The following FGF13 variants were observed in gnomAD, a reference collection of about 807,000 sequenced individuals.
FGF13 encodes fibroblast growth factor homologous factor 2.
A neutral mutation model predicts 19.5 loss-of-function variants in FGF13; 2 were observed. The ratio of observed to expected loss-of-function variants is 0.10; its 90% CI spans 0.04 to 0.32. The LOEUF (loss-of-function observed/expected upper bound fraction) is 0.32. Ranked by LOEUF, FGF13 falls within the 10% of genes least tolerant of loss-of-function variation. The pLI is 1.00. For missense variants in FGF13, 113 were observed against 192.7 expected, an observed-to-expected ratio of 0.59 and a Z score of 2.45; for synonymous variants, 72 against 76.9, an observed-to-expected ratio of 0.94 and a Z score of 0.33.
intron 4 of FGF13, among the ~76,000 whole-genome samples, chrX:138,634,148 G>A (rs957816813): frequency 1.8e-5 from 2 of 112,155 alleles, no homozygotes; most frequent in South Asian, 7.4e-4. Context: ...GGCCCTTAGA[G>A]AGGACCCAAG....
chrX:138,701,379 T>A (rs1033034639), intron 3 of FGF13, among the ~76,000 whole-genome samples: 2 of 112,418 alleles, frequency 1.8e-5, no homozygotes, highest in Admixed American at 9.4e-5. Context: ...CTTAAAATCC[T>A]TCATTATTAA....
chrX:138,800,056 G>A (rs1019279672), intron 3 of FGF13, among the ~76,000 whole-genome samples: 2 of 111,772 alleles, frequency 1.8e-5, no homozygotes, highest in Admixed American at 1.9e-4. Flanking sequence ...GTTAATTGGG[G>A]CATTTAGCCC....
chrX:139,089,691 C>G (rs1415294188), intron 1 of FGF13, among the ~76,000 whole-genome samples: 3 of 111,936 alleles, frequency 2.7e-5, no homozygotes, highest in Non-Finnish European at 5.6e-5. Context: ...CTCTCATCAT[C>G]TATAAAATGA....
Position 138,825,786 on chromosome X carries a change from A to T in FGF13, c.217+31726T>A, listed in dbSNP as rs189468273. Among the ~76,000 whole-genome samples the T allele has an allele frequency of 6.2e-5, 7 of 112,283 alleles. No homozygotes were observed. In the East Asian group the frequency reaches 2.0e-3, roughly 32 times the overall value. ...AGGCAGCCTCACTCTTAGCTCATGA[A>T]GATAAGCTGATAGTTTTTTCAGTGG... On this transcript the variant is annotated intron_variant, in intron 3 of 6. Coordinates refer to the FGF13 transcript ENST00000436198.
chrX:139,204,496 G>A (rs2084449815), upstream of FGF13, among the ~76,000 whole-genome samples: 1 of 112,392 alleles, frequency 8.9e-6, no homozygotes, highest in South Asian at 3.6e-4. Flanking sequence ...AGGAGCGGCC[G>A]GGACTCCCCG....
At chrX:138,837,324 C>A (rs958579828) in intron 3 of FGF13, among the ~76,000 whole-genome samples, 5 of 111,635 alleles carry the variant, frequency 4.5e-5, no homozygotes, top group Non-Finnish European at 9.4e-5. Flanking sequence ...TTGGGAGCTG[C>A]ATCCCAGGGA....
intron 1 of FGF13, among the ~76,000 whole-genome samples, chrX:139,137,564 C>G (rs751504187): frequency 1.1e-4 from 12 of 111,925 alleles, no homozygotes; most frequent in Non-Finnish European, 2.3e-4. Context: ...ACACAGAAGC[C>G]CACCCAAGTA....
At chrX:138,824,588 T>C (rs986269925) in intron 3 of FGF13, among the ~76,000 whole-genome samples, 2 of 111,767 alleles carry the variant, frequency 1.8e-5, no homozygotes, top group African/African-American at 6.5e-5. Context: ...TGAACATATA[T>C]AATGACAGTA....
intron 1 of FGF13, among the ~76,000 whole-genome samples, chrX:138,963,230 C>T (rs958354838): frequency 8.8e-6 from 1 of 113,216 alleles, no homozygotes; most frequent in Non-Finnish European, 1.9e-5. Flanking sequence ...CCTGGCAAGA[C>T]CCTCTGACCA....
At chrX:139,184,773 T>G (rs2084269281) in intron 1 of FGF13, among the ~76,000 whole-genome samples, 1 of 112,463 alleles carries the variant, frequency 8.9e-6, no homozygotes, top group Non-Finnish European at 1.9e-5. Context: ...ATTTGTTGAA[T>G]TAATGTTAAA....
At chrX:139,139,037 C>T (rs2083822225) in intron 1 of FGF13, among the ~76,000 whole-genome samples, 1 of 107,167 alleles carries the variant, frequency 9.3e-6, no homozygotes, top group South Asian at 4.3e-4. Context: ...CCAAGCTATT[C>T]TCCTGCCTCA....
intron 1 of FGF13, among the ~76,000 whole-genome samples, chrX:139,061,609 T>C (rs1419537443): frequency 4.7e-5 from 4 of 84,274 alleles, no homozygotes; most frequent in Non-Finnish European, 9.3e-5. Flanking sequence ...AATAAACTTA[T>C]TTTTTTTTAA....
intron 3 of FGF13, among the ~76,000 whole-genome samples, chrX:138,830,517 T>C (rs2091063761): frequency 8.9e-6 from 1 of 111,925 alleles, no homozygotes. Context: ...TGAAGAAATA[T>C]CTAAGCAGTA....
intron 1 of FGF13, among the ~76,000 whole-genome samples, chrX:138,905,784 C>T (rs2091554865): frequency 8.9e-6 from 1 of 112,024 alleles, no homozygotes; most frequent in Admixed American, 9.5e-5. Context: ...CACATTAGAG[C>T]ATGTCAGAAT....
rs754451697 is a variant in FGF13 at position 139,057,318 on chromosome X, AG to A, written c.-113+146097del. ...AACATTATATAAAAACCTGTCAAGA[AG>A]AAAAAAAAAAACAAACTTTTCCACC... On this transcript the variant is annotated intron_variant, in intron 1 of 2. Transcript: ENST00000421460. Among the ~76,000 whole-genome samples, 22 of 111,387 alleles carry A rather than the reference AG, an allele frequency of 2.0e-4. No individual in the cohort carries two copies. In the East Asian group the frequency reaches 6.2e-3, roughly 31 times the overall value.
chrX:138,672,548 A>G (rs1175969163), intron 3 of FGF13, among the ~76,000 whole-genome samples: 1 of 112,049 alleles, frequency 8.9e-6, no homozygotes, highest in Non-Finnish European at 1.9e-5. Context: ...AAGACTGTGA[A>G]CATATAATAT....
chrX:139,108,673 A>T lies in FGF13; in HGVS notation c.-113+94743T>A, dbSNP rs185640013. Among the ~76,000 whole-genome samples, 619 of 110,209 alleles carry T rather than the reference A, an allele frequency of 5.6e-3. 2 individuals carry two copies. The highest frequency in any genetic ancestry group is 8.4e-3 in the Non-Finnish European group (442 of 52,753). Reference sequence around the variant, plus strand: ...GGATTTTTATATATATATTTTTTTTAATTTTAACTTTTATTTTAAGTTCTG... The same window carrying T: ...GGATTTTTATATATATATTTTTTTTTATTTTAACTTTTATTTTAAGTTCTG... On this transcript the variant is annotated intron_variant, in intron 1 of 2. Coordinates refer to the FGF13 transcript ENST00000421460.
intron 1 of FGF13, among the ~76,000 whole-genome samples, chrX:139,001,949 T>C (rs1223084593): frequency 6.3e-5 from 7 of 111,613 alleles, no homozygotes; most frequent in African/African-American, 1.6e-4. Context: ...CAAATGCCCA[T>C]CAATGATAGA....
intron 1 of FGF13, among the ~76,000 whole-genome samples, chrX:139,140,375 G>A (rs1294217433): frequency 9.0e-6 from 1 of 111,118 alleles, no homozygotes; most frequent in East Asian, 2.9e-4. Flanking sequence ...GCTACCCATC[G>A]GCAAAGTCCT....
Sources: allele counts gnomAD v4.1 joint callset (sites outside exome capture counted in the v4.1 genomes callset), GRCh38; gene constraint gnomAD v4.1.1; transcripts MANE v1.5; gene names NCBI Gene and HGNC (gene_info 2026-07-23, HGNC 2026-07-21).